The following MYT1L variants were observed in gnomAD, a reference collection of about 807,000 sequenced individuals.
MYT1L encodes myelin transcription factor 1 like, also known as myelin transcription factor 1-like protein.
Under a neutral mutation model 126.7 loss-of-function variants are expected in MYT1L, and 12 were observed. The observed-to-expected ratio is 0.09, with a 90% CI of 0.06 to 0.15. The LOEUF (loss-of-function observed/expected upper bound fraction) is 0.15. Ranked by LOEUF, MYT1L falls within the 10% of genes least tolerant of loss-of-function variation. The pLI is 1.00. For synonymous variants in MYT1L, 541 were observed against 604.2 expected, an observed-to-expected ratio of 0.90 and a Z score of 1.53; for missense variants, 979 against 1,585.2, an observed-to-expected ratio of 0.62 and a Z score of 6.49.
intron 3 of MYT1L, among the ~76,000 whole-genome samples, chr2:2,160,577 C>G (rs1425119326): frequency 6.6e-6 from 1 of 152,260 alleles, no homozygotes; most frequent in Admixed American, 6.5e-5. Flanking sequence ...GGGCAACATG[C>G]GTCCCTGTGC....
intron 2 of MYT1L, among the ~76,000 whole-genome samples, chr2:2,269,013 G>A (rs1317293243): frequency 6.6e-6 from 1 of 152,094 alleles, no homozygotes; most frequent in Admixed American, 6.5e-5. Flanking sequence ...AGCATTCGGG[G>A]CGATGTGTAG....
intron 3 of MYT1L, among the ~76,000 whole-genome samples, chr2:2,110,223 A>G (rs988292865): frequency 5.9e-5 from 9 of 151,994 alleles, no homozygotes; most frequent in African/African-American, 2.2e-4. Flanking sequence ...ACCTGCCCCT[A>G]TTGAATGACT....
chr2:2,133,345 C>A (rs2082630591), intron 3 of MYT1L, among the ~76,000 whole-genome samples: 1 of 152,134 alleles, frequency 6.6e-6, no homozygotes, highest in African/African-American at 2.4e-5. Context: ...CATCACAAAA[C>A]AGTGAACTTA....
chr2:2,218,123 A>G (rs776305408), intron 2 of MYT1L, among the ~76,000 whole-genome samples: 2 of 152,216 alleles, frequency 1.3e-5, no homozygotes, highest in African/African-American at 2.4e-5. Context: ...GCAGGTGGGA[A>G]TGTAAAATGG....
intron 9 of MYT1L, 48 bp downstream of exon 9, chr2:1,942,934 G>A: frequency 6.7e-7 from 1 of 1,486,922 alleles, no homozygotes; most frequent in Non-Finnish European, 9.0e-7. Context: ...ACCTTGAACA[G>A]TGGACCCAAA....
In MYT1L at chr2:1,861,440, T is replaced by A. The variant is rs77431845; in HGVS notation, c.2712-9737A>T. Among the ~76,000 whole-genome samples, 13 of 152,262 alleles carry A rather than the reference T, an allele frequency of 8.5e-5. No homozygotes were observed. The East Asian group carries it at 2.5e-3, about 29-fold the overall frequency. On this transcript the variant is annotated intron_variant, in intron 18 of 24. Transcript: ENST00000647738. Reference sequence around the variant, plus strand: ...TTTTCCTCTTCAGCAGAAATGTTGATCCTCATCCTTTACATTCGTGTTATT... The same window carrying A: ...TTTTCCTCTTCAGCAGAAATGTTGAACCTCATCCTTTACATTCGTGTTATT...
At chr2:1,886,402 T>G (rs1055728918) in intron 18 of MYT1L, 137 bp downstream of exon 18, 38 of 541,016 alleles carry the variant, frequency 7.0e-5, no homozygotes, top group Non-Finnish European at 2.7e-5. Flanking sequence ...TTCAATCCCA[T>G]GTCTACATCA....
At chr2:2,317,611 TA>T (rs2096088847) in intron 1 of MYT1L, among the ~76,000 whole-genome samples, 1 of 151,908 alleles carries the variant, frequency 6.6e-6, no homozygotes, top group South Asian at 2.1e-4. Context: ...AGACAAAAAA[TA>T]AAAATAAAAA....
At chr2:1,807,956 T>C (rs953777672) in intron 22 of MYT1L, among the ~76,000 whole-genome samples, 5 of 152,186 alleles carry the variant, frequency 3.3e-5, no homozygotes, top group Non-Finnish European at 7.3e-5. Context: ...ATGCTGTTCC[T>C]GATACTGAGT....
chr2:2,266,708 G>A (rs567022239), intron 2 of MYT1L, among the ~76,000 whole-genome samples: 1 of 152,266 alleles, frequency 6.6e-6, no homozygotes, highest in African/African-American at 2.4e-5. Context: ...TTGTGGGAGG[G>A]ACCTGGTGAG....
chr2:2,075,790 C>T (rs867854775), intron 3 of MYT1L, among the ~76,000 whole-genome samples: 12 of 152,150 alleles, frequency 7.9e-5, no homozygotes, highest in African/African-American at 2.2e-4. Flanking sequence ...ATCAAAGCCA[C>T]AGATTAAAAT....
chr2:1,937,115 C>G (rs1338351784), intron 9 of MYT1L, among the ~76,000 whole-genome samples: 2 of 152,172 alleles, frequency 1.3e-5, no homozygotes, highest in African/African-American at 4.8e-5. Context: ...GGAACAGGCA[C>G]AGATTACTGG....
intron 5 of MYT1L, among the ~76,000 whole-genome samples, chr2:1,987,140 TG>T (rs1231837378): frequency 2.0e-5 from 3 of 152,186 alleles, no homozygotes; most frequent in Non-Finnish European, 4.4e-5. Flanking sequence ...CAGCAAGTTC[TG>T]GGAGAAAATT....
rs895361237 is a variant in MYT1L, at chr2:2,301,843, A to G, written c.-520-17340T>C. 8.1e-4 allele frequency among the ~76,000 whole-genome samples: 123 copies of G among 151,992 alleles called. 1 individual carries two copies. The highest frequency in any genetic ancestry group is 1.9e-3 in the Admixed American group (29 of 15,266). On this transcript the variant is annotated intron_variant, in intron 1 of 24. Transcript: ENST00000647738. The stretch of plus-strand genomic sequence containing the variant: ...GTCTGTCTAAAAAAAAAAAAAAAAA[A>G]AAGAAGAAAATTTACATATGGTCAT...
At chr2:2,264,637 T>C (rs1423394481) in intron 2 of MYT1L, among the ~76,000 whole-genome samples, 2 of 152,098 alleles carry the variant, frequency 1.3e-5, no homozygotes, top group African/African-American at 4.8e-5. Flanking sequence ...CAGCGGAGTG[T>C]GTACACTCCT....
At chr2:2,185,219 A>G (rs962087911) in intron 2 of MYT1L, among the ~76,000 whole-genome samples, 21 of 152,206 alleles carry the variant, frequency 1.4e-4, no homozygotes, top group African/African-American at 5.1e-4. Context: ...ATAATAGCAA[A>G]CACATTGAAG....
At chr2:2,290,506 G>A (rs749199133) in intron 1 of MYT1L, among the ~76,000 whole-genome samples, 1 of 151,992 alleles carries the variant, frequency 6.6e-6, no homozygotes, top group Non-Finnish European at 1.5e-5. Context: ...CACTGGTGTG[G>A]GCATAAAGAT....
intron 4 of MYT1L, among the ~76,000 whole-genome samples, chr2:2,014,257 T>A (rs556361975): frequency 6.3e-4 from 96 of 151,462 alleles, no homozygotes; most frequent in Non-Finnish European, 1.1e-3. Context: ...AGTGGCAAAT[T>A]GGGGATTTAA....
intron 5 of MYT1L, among the ~76,000 whole-genome samples, chr2:1,989,770 G>A (rs540564339): frequency 1.3e-5 from 2 of 152,188 alleles, no homozygotes; most frequent in Non-Finnish European, 2.9e-5. Flanking sequence ...GCCAAGGTAG[G>A]TGGATCACCT....
Sources: allele counts gnomAD v4.1 joint callset (sites outside exome capture counted in the v4.1 genomes callset), GRCh38; gene constraint gnomAD v4.1.1; transcripts MANE v1.5; gene names NCBI Gene and HGNC (gene_info 2026-07-23, HGNC 2026-07-21).